Variants in C4orf51 observed in about 807,000 individuals in gnomAD.
C4orf51 encodes chromosome 4 open reading frame 51, also known as uncharacterized protein C4orf51.
In C4orf51, 25 loss-of-function variants were observed where a neutral mutation model predicts 25.2. The observed-to-expected ratio is 0.99, with a 90% confidence interval of 0.72 to 1.39. C4orf51 has a LOEUF of 1.39. Ranked by LOEUF, C4orf51 falls within the 40% of genes most tolerant of loss-of-function variation. The probability of loss-of-function intolerance (pLI) is 0.00; values close to 1 mark genes in which losing one functional copy is unlikely to be tolerated. For missense variants in C4orf51, 252 were observed against 239.6 expected, an observed-to-expected ratio of 1.05 and a Z score of -0.34; for synonymous variants, 100 against 84.5, an observed-to-expected ratio of 1.18 and a Z score of -1.01.
At position 145,765,460 on chromosome 4, in the gene C4orf51, A is replaced by C; in HGVS notation, n.167-5528A>C. ...ATCCTGGGCCTATTATCAGTTTTTG[A>C]CATCGCTCCTGTGCAGGGCTTATTC... On this transcript the variant is annotated intron_variant and non_coding_transcript_variant, in intron 1 of 1. Transcript: ENST00000510096. The surrounding 1 kb of genome is among the most constrained non-coding windows in gnomAD (Gnocchi z 4.7). 6.8e-7 allele frequency: 1 copy of C among 1,461,140 alleles called. No individual in the cohort carries two copies. The highest frequency in any genetic ancestry group is 9.2e-7 in the Non-Finnish European group (1 of 1,089,554). The allele number at this position is 1,461,140 out of a possible 1,614,324, so 90.5% of individuals were successfully genotyped here.
chr4:145,701,970 C>T (rs1371754751), intron 2 of C4orf51, among the ~76,000 whole-genome samples: 1 of 152,026 alleles, frequency 6.6e-6, no homozygotes, highest in Non-Finnish European at 1.5e-5. Context: ...CATATCCCCC[C>T]ACCTTAACCC....
At chr4:145,759,819 A>C (rs1734258344) in intron 1 of C4orf51, 1 of 151,976 alleles carries the variant, frequency 6.6e-6, no homozygotes, top group Non-Finnish European at 1.5e-5. Context: ...CCTTGGCTGG[A>C]TTTATCAACC....
intron 1 of C4orf51, among the ~76,000 whole-genome samples, chr4:145,689,398 G>C (rs1245168697): frequency 6.6e-6 from 1 of 151,578 alleles, no homozygotes; most frequent in Non-Finnish European, 1.5e-5. Flanking sequence ...GCATCTATGA[G>C]ACATATATGT....
At chr4:145,719,257 G>C (rs543096100) in intron 2 of C4orf51, among the ~76,000 whole-genome samples, 1 of 150,690 alleles carries the variant, frequency 6.6e-6, no homozygotes, top group Non-Finnish European at 1.5e-5. Flanking sequence ...TTTATAATTT[G>C]TCTTCCAAAA....
chr4:145,729,148 T>A (rs1480764376), intron 3 of C4orf51, 21 bp from the exon 4 acceptor site: 1 of 1,531,444 alleles, frequency 6.5e-7, no homozygotes, highest in Non-Finnish European at 9.0e-7. Context: ...TGGTATTTAT[T>A]TCTATCTCTC....
At chr4:145,784,365 A>G in the C4orf51 span, among the ~76,000 whole-genome samples, 70 of 152,244 alleles carry the variant, frequency 4.6e-4, 1 homozygote, top group East Asian at 9.1e-3. Flanking sequence ...TGGGTTTTCT[A>G]TTACTTATAA....
intron 1 of C4orf51, among the ~76,000 whole-genome samples, chr4:145,770,021 G>A (rs934234698): frequency 1.3e-5 from 2 of 152,144 alleles, no homozygotes; most frequent in African/African-American, 4.8e-5. Flanking sequence ...ATCCAGGCTG[G>A]GTGCCGTGGC....
intron 1 of C4orf51, among the ~76,000 whole-genome samples, chr4:145,749,085 A>G (rs13152323): frequency 6.7e-6 from 1 of 148,350 alleles, no homozygotes; most frequent in South Asian, 2.1e-4. Flanking sequence ...ATATATATAT[A>G]TGTATATATA....
At chr4:145,716,078 T>C (rs1257756995) in intron 2 of C4orf51, among the ~76,000 whole-genome samples, 2 of 152,228 alleles carry the variant, frequency 1.3e-5, no homozygotes, top group African/African-American at 4.8e-5. Flanking sequence ...TTGTTATAGA[T>C]AACCCCCCCA....
rs763075189 is a variant in C4orf51, at chr4:145,765,158, T to C, written n.167-5830T>C. 5.0e-6 allele frequency: 8 copies of C among 1,608,082 alleles called. No individual in the cohort carries two copies. The highest frequency in any genetic ancestry group is 2.2e-5 in the East Asian group (1 of 44,862). The stretch of plus-strand genomic sequence containing the variant: ...TGCAGACAAAGTTGCAAAAAACACA[T>C]TCGAACCCTGCAAGGACCGAAGCTG... On this transcript the variant is annotated intron_variant and non_coding_transcript_variant, in intron 1 of 1. Coordinates refer to the C4orf51 transcript ENST00000510096. The surrounding 1 kb of genome is among the most constrained non-coding windows in gnomAD (Gnocchi z 4.7).
intron 1 of C4orf51, among the ~76,000 whole-genome samples, chr4:145,696,212 A>C (rs1730039227): frequency 6.6e-6 from 1 of 152,216 alleles, no homozygotes; most frequent in African/African-American, 2.4e-5. Flanking sequence ...CAGTGAGCCA[A>C]GATCACACCA....
At chr4:145,732,017 T>C (rs1310797304) in intron 5 of C4orf51, among the ~76,000 whole-genome samples, 1 of 152,244 alleles carries the variant, frequency 6.6e-6, no homozygotes, top group Admixed American at 6.5e-5. Flanking sequence ...TCATTAACAC[T>C]ATTCTTAGTT....
intron 1 of C4orf51, among the ~76,000 whole-genome samples, 154 bp downstream of exon 1, chr4:145,680,590 G>A (rs1172625414): frequency 6.6e-6 from 1 of 152,190 alleles, no homozygotes; most frequent in East Asian, 1.9e-4. Flanking sequence ...AGAGCTAAAT[G>A]TCAGTGACCA....
rs60310006 is a variant in C4orf51, at chr4:145,740,240, C to CAAAAAAAAAAAAAAAAAAAA, written n.167+7633_167+7652dup. Among the ~76,000 whole-genome samples the CAAAAAAAAAAAAAAAAAAAA allele has an allele frequency of 9.2e-4, 96 of 104,796 alleles. 4 individuals carry two copies. Among genetic ancestry groups the CAAAAAAAAAAAAAAAAAAAA allele is most frequent in the Middle Eastern group, 5.7e-3 (1 of 174 alleles). The allele number at this position is 104,796 out of a possible 152,430, so 68.8% of individuals were successfully genotyped here. ...AATTATAGCTATCTCTCCCTTTCTG[C>CAAAAAAAAAAAAAAAAAAAA]AAAAAAAAAAAAAAAAAAAAAAAAA... is the stretch of plus-strand genomic sequence containing the variant. On this transcript the variant is annotated intron_variant and non_coding_transcript_variant, in intron 1 of 1. Transcript: ENST00000508981.
chr4:145,680,759 G>GT (rs1368056387), intron 1 of C4orf51, among the ~76,000 whole-genome samples: 2 of 152,110 alleles, frequency 1.3e-5, no homozygotes, highest in African/African-American at 4.8e-5. Flanking sequence ...TTTGTTTCTT[G>GT]TTTGGTTTTC....
intron 3 of C4orf51, among the ~76,000 whole-genome samples, 169 bp downstream of exon 3, chr4:145,727,138 G>A (rs1289845940): frequency 6.6e-6 from 1 of 152,022 alleles, no homozygotes; most frequent in Non-Finnish European, 1.5e-5. Flanking sequence ...TTAGGTGATA[G>A]GAACACAACA....
intron 2 of C4orf51, among the ~76,000 whole-genome samples, chr4:145,706,534 A>T (rs1269717482): frequency 6.6e-6 from 1 of 152,202 alleles, no homozygotes; most frequent in Admixed American, 6.5e-5. Context: ...AGGAGCTTTT[A>T]TTGGCTTCAT....
At chr4:145,699,185 A>G (rs1578947480) in intron 2 of C4orf51, among the ~76,000 whole-genome samples, 3 of 151,192 alleles carry the variant, frequency 2.0e-5, no homozygotes, top group Admixed American at 6.6e-5. Context: ...CTCTCTTTTC[A>G]GACTCAGCCC....
rs2126768714 is a variant in C4orf51, at chr4:145,729,173, A to G, written c.371A>G (p.His124Arg). Residue 124 changes from histidine (H) to arginine (R), a missense_variant, in exon 4 of 6, where the codon CAT becomes CGT. Transcript: ENST00000438731. ...KSFDVKHGVA[H>R]QIWDFGDCFP... is the part of the protein sequence containing the mutation. ...TTCTATCTCTCCTTTTTATAGGCAC[A>G]TCAAATTTGGGATTTTGGTGATTGT... 1 of 1,602,822 alleles carries G rather than the reference A, an allele frequency of 6.2e-7. No individual in the cohort carries two copies. The highest frequency in any genetic ancestry group is 1.1e-5 in the South Asian group (1 of 90,340).
Sources: gnomAD v4.1 joint callset for allele counts (sites outside exome capture counted in the v4.1 genomes callset) on GRCh38, gnomAD v4.1.1 for gene constraint, Gnocchi (gnomAD v3.1) non-coding constraint, MANE v1.5 for transcripts, NCBI Gene and HGNC (gene_info 2026-07-23, HGNC 2026-07-21) for gene names.